Variants in PACS2 observed in about 807,000 individuals in gnomAD.
PACS2 encodes phosphofurin acidic cluster sorting protein 2.
A neutral mutation model predicts 113.0 loss-of-function variants in PACS2; 36 were observed. The observed-to-expected ratio is 0.32, with a 90% CI of 0.24 to 0.42. The LOEUF (loss-of-function observed/expected upper bound fraction) is 0.42, where lower values mean the gene tolerates loss of function less well. Ranked by LOEUF, PACS2 falls within the 10% of genes least tolerant of loss-of-function variation. The pLI is 1.00. For missense variants in PACS2, 1,015 were observed against 1,239.5 expected (o/e 0.82, Z 2.72); for synonymous variants, 589 against 536.1 (o/e 1.10, Z -1.36).
At chr14:105,332,151 C>T (rs978433968) in intron 1 of PACS2, among the ~76,000 whole-genome samples, 3 of 152,258 alleles carry the variant, frequency 2.0e-5, no homozygotes, top group Admixed American at 1.3e-4. Flanking sequence ...GAAGAATCCT[C>T]AGTCAGACAT....
Position 105,391,750 on chromosome 14 carries a change from G to A in PACS2, c.2239G>A (p.Gly747Ser), listed in dbSNP as rs782686270. The change falls in exon 22 of 25, where the codon GGC becomes AGC. Residue 747 changes from glycine (G) to serine (S), a missense_variant. Transcript: ENST00000447393. ...GCCCTCCTCCCCGTCGGTGAGCGGA[G>A]GCCTGTCCTCCCCCAGGTAAAGGTG... Reference protein sequence around the residue: ...TPPSSPSVSGGLSSPSQGVGA... With the variant: ...TPPSSPSVSGSLSSPSQGVGA... 6 of 1,594,944 alleles carry A rather than the reference G, an allele frequency of 3.8e-6. No individual in the cohort carries two copies. The South Asian group carries it at 5.7e-5, about 15-fold the overall frequency.
chr14:105,325,169 C>CAG (rs1555398083), intron 1 of PACS2, among the ~76,000 whole-genome samples: 2 of 41,854 alleles, frequency 4.8e-5, no homozygotes, highest in African/African-American at 9.9e-5. Context: ...GGTGGTGGGA[C>CAG]GGGGGGGGGC....
intron 4 of PACS2, among the ~76,000 whole-genome samples, chr14:105,364,397 GTCCCGGGTGC>G (rs2060862276): frequency 7.8e-6 from 1 of 128,502 alleles, no homozygotes; most frequent in Non-Finnish European, 1.6e-5. Context: ...GGTGGGCGGT[GTCCCGGGTGC>G]GCGGTGGGCG....
rs889558685 is a variant in PACS2, at chr14:105,385,649, C to T, written c.2001-36C>T. The T allele has an allele frequency of 7.2e-5, 107 of 1,492,254 alleles. No homozygotes were observed. The Admixed American group carries it at 1.3e-3, about 18-fold the overall frequency. The allele number at this position is 1,492,254 out of a possible 1,614,324, so 92.4% of individuals were successfully genotyped here. A position where few individuals can be genotyped will look rare whatever the true frequency, so the allele number is the denominator to read the frequency against. On this transcript the variant is annotated intron_variant, in intron 18 of 24. Transcript: ENST00000447393. ...TGGAGGGGTCCTGAGGGCGTCGTAA[C>T]GTGTCTGTTTTCTCTTTTGGTGGCT...
intron 1 of PACS2, among the ~76,000 whole-genome samples, chr14:105,305,742 T>C (rs1167170283): frequency 6.6e-6 from 1 of 152,098 alleles, no homozygotes; most frequent in African/African-American, 2.4e-5. Flanking sequence ...CCAGGAAGCT[T>C]GGAAACATTT....
rs1263364824 is a variant in PACS2, at chr14:105,396,883, T to A, written c.*2211T>A. On this transcript the variant is annotated 3_prime_UTR_variant, in exon 25 of 25. Transcript: ENST00000447393. ...ACATCCTTGCTGTGGCTTTCTGGCCTCAGAGCAGGTTTTAGAGGAAGGGGC... is the reference window on the plus strand; with the variant it reads ...ACATCCTTGCTGTGGCTTTCTGGCCACAGAGCAGGTTTTAGAGGAAGGGGC... 6.6e-6 allele frequency: 1 copy of A among 152,290 alleles called. No individual in the cohort carries two copies. The highest frequency in any genetic ancestry group is 1.5e-5 in the Non-Finnish European group (1 of 68,082). 9.4% of individuals were successfully genotyped at this position (152,290 alleles called of 1,614,324 possible). A position where few individuals can be genotyped will look rare whatever the true frequency, so the allele number is the denominator to read the frequency against.
chr14:105,380,598 C>A (rs2080955187), intron 11 of PACS2, among the ~76,000 whole-genome samples: 1 of 151,930 alleles, frequency 6.6e-6, no homozygotes, highest in Non-Finnish European at 1.5e-5. Context: ...CTGGACTCAC[C>A]CCACCCGCAG....
At chr14:105,387,353 G>C (rs960427709) in intron 19 of PACS2, among the ~76,000 whole-genome samples, 1 of 152,240 alleles carries the variant, frequency 6.6e-6, no homozygotes, top group Non-Finnish European at 1.5e-5. Context: ...GGCCAGGCCT[G>C]GAGGGCGGCC....
upstream of PACS2, among the ~76,000 whole-genome samples, chr14:105,313,843 T>C (rs1032937679): frequency 1.3e-3 from 199 of 152,272 alleles, no homozygotes; most frequent in African/African-American, 4.6e-3. Flanking sequence ...GCCAAACAGA[T>C]GGGGGAAGCA....
At chr14:105,377,271 C>T (rs2080819740) in intron 9 of PACS2, among the ~76,000 whole-genome samples, 1 of 152,122 alleles carries the variant, frequency 6.6e-6, no homozygotes. Flanking sequence ...CTGCAGGGGA[C>T]CTCCGTTCAC....
At chr14:105,379,874 C>G in intron 10 of PACS2, 45 bp downstream of exon 10, 1 of 1,567,424 alleles carries the variant, frequency 6.4e-7, no homozygotes, top group African/African-American at 1.3e-5. Flanking sequence ...CGTGGTCTGA[C>G]TGGGCTGTGG....
At chr14:105,349,191 G>C (rs1414616230) in intron 2 of PACS2, among the ~76,000 whole-genome samples, 1 of 152,236 alleles carries the variant, frequency 6.6e-6, no homozygotes, top group Non-Finnish European at 1.5e-5. Context: ...AGACAGGGAG[G>C]TGTCCCCGCC....
chr14:105,381,307 C>T, intron 12 of PACS2, among the ~76,000 whole-genome samples: 1 of 152,222 alleles, frequency 6.6e-6, no homozygotes, highest in East Asian at 1.9e-4. Context: ...CCCCAGATTC[C>T]ACCCTACCTG....
At chr14:105,382,200 ACACAGCAGGGCGGGCGGGC>A (rs2081018828) in intron 13 of PACS2, 142 bp downstream of exon 13, 5 of 1,001,446 alleles carry the variant, frequency 5.0e-6, no homozygotes, top group Non-Finnish European at 7.1e-6. Context: ...GGCTCCTGCT[ACACAGCAGGGCGGGCGGGC>A]CATGGGTTGG....
At chr14:105,391,525 AC>A (rs2081356095) in intron 21 of PACS2, 105 bp from the exon 22 acceptor site, 2 of 393,792 alleles carry the variant, frequency 5.1e-6, no homozygotes, top group Non-Finnish European at 9.5e-6. Flanking sequence ...CACCCTGCCC[AC>A]CCCCAGGAGC....
intron 2 of PACS2, among the ~76,000 whole-genome samples, chr14:105,349,750 G>T (rs771234277): frequency 2.6e-5 from 4 of 152,274 alleles, no homozygotes; most frequent in African/African-American, 4.8e-5. Context: ...GCGTGTGCTG[G>T]TGGCCAGGTT....
rs587691924 is a variant in PACS2 at position 105,340,803 on chromosome 14, T to C, written c.120-7690T>C. Among the ~76,000 whole-genome samples the C allele has an allele frequency of 6.6e-6, 1 of 152,358 alleles. No homozygotes were observed. Among genetic ancestry groups the C allele is most frequent in the African/African-American group, 2.4e-5 (1 of 41,582 alleles). On this transcript the variant is annotated intron_variant, in intron 1 of 24. Coordinates refer to ENST00000447393, the MANE Select transcript of PACS2 (RefSeq NM_001100913.3). This position sits in a 1 kb window ranked among gnomAD's most constrained non-coding sequence, Gnocchi z 4.2. ...GCCAGGGGCATCTCCTGTCCTGGCT[T>C]GGCTTCTGCCCCTGGGTCCGTGGTG...
rs375954362 is a variant in PACS2 at position 105,362,224 on chromosome 14, C to T, written c.424-4989C>T. Among the ~76,000 whole-genome samples, 153 of 151,270 alleles carry T rather than the reference C, an allele frequency of 1.0e-3. 1 individual carries two copies. Among genetic ancestry groups the T allele is most frequent in the East Asian group, 4.1e-3 (21 of 5,070 alleles). ...ACGAGGTCAGGAGATCAAGACCATC[C>T]TGGCTAACACAGTGAAACACCGTCT... On this transcript the variant is annotated intron_variant, in intron 4 of 24. Coordinates refer to ENST00000447393, the MANE Select transcript of PACS2 (RefSeq NM_001100913.3).
intron 1 of PACS2, among the ~76,000 whole-genome samples, chr14:105,318,580 G>A (rs587753334): frequency 6.6e-6 from 1 of 151,920 alleles, no homozygotes; most frequent in Non-Finnish European, 1.5e-5. Context: ...CTCCCAAGTA[G>A]CTAGGACTAC....
Sources: gnomAD v4.1 joint callset for allele counts (sites outside exome capture counted in the v4.1 genomes callset) on GRCh38, gnomAD v4.1.1 for gene constraint, Gnocchi (gnomAD v3.1) non-coding constraint, MANE v1.5 for transcripts, NCBI Gene and HGNC (gene_info 2026-07-23, HGNC 2026-07-21) for gene names.